Variants in RBBP5 observed in about 807,000 individuals in gnomAD.
RBBP5 encodes the protein retinoblastoma-binding protein 5.
In RBBP5, 5 loss-of-function variants were observed where a neutral mutation model predicts 72.2. The observed-to-expected ratio is 0.07, with a 90% CI of 0.04 to 0.15. RBBP5 has a LOEUF of 0.15. RBBP5 is among the 10% of genes least tolerant of loss of function. The pLI, the probability that RBBP5 is intolerant of heterozygous loss-of-function variation, is 1.00. For missense variants in RBBP5, 322 were observed against 652.2 expected, an observed-to-expected ratio of 0.49 and a Z score of 5.51; for synonymous variants, 209 against 237.2, an observed-to-expected ratio of 0.88 and a Z score of 1.09.
At chr1:205,108,877 T>C (rs1050432931) in intron 3 of RBBP5, among the ~76,000 whole-genome samples, 1 of 152,190 alleles carries the variant, frequency 6.6e-6, no homozygotes, top group Non-Finnish European at 1.5e-5. Flanking sequence ...GTTGAAAGAA[T>C]TTAATACATA....
At chr1:205,097,525 A>C (rs1309463897) in intron 10 of RBBP5, 130 bp from the exon 11 acceptor site, 1 of 853,750 alleles carries the variant, frequency 1.2e-6, no homozygotes, top group African/African-American at 1.7e-5. Context: ...CACTTCACTT[A>C]ATCATTTAAC....
At position 205,088,130 on chromosome 1, in the gene RBBP5, G is replaced by A. The variant is rs1277023821; in HGVS notation, c.*657C>T. ...CCAATATTGGAGGGAAACATGCAAT[G>A]AGAGGAAAACAAGGGAAAACCCTGA... is the stretch of plus-strand genomic sequence containing the variant. On this transcript the variant is annotated 3_prime_UTR_variant, in exon 14 of 14. Transcript: ENST00000264515. The A allele has an allele frequency of 6.6e-6, 1 of 152,248 alleles. No individual in the cohort carries two copies. Among genetic ancestry groups the A allele is most frequent in the Non-Finnish European group, 1.5e-5 (1 of 68,054 alleles). The allele number at this position is 152,248 out of a possible 1,614,324, so 9.4% of individuals were successfully genotyped here. A position where few individuals can be genotyped will look rare whatever the true frequency, so the allele number is the denominator to read the frequency against.
At chr1:205,119,526 C>T (rs74398105) in intron 1 of RBBP5, among the ~76,000 whole-genome samples, 7,095 of 152,242 alleles carry the variant, frequency 0.047, 545 homozygotes, top group African/African-American at 0.16. Flanking sequence ...TTCTTCCATC[C>T]TTAAGTTTTT....
intron 13 of RBBP5, among the ~76,000 whole-genome samples, chr1:205,094,252 C>T (rs1655526036): frequency 6.6e-6 from 1 of 152,152 alleles, no homozygotes; most frequent in African/African-American, 2.4e-5. Context: ...ATCATCTCCT[C>T]CTGTTTTCAG....
At chr1:205,101,802 A>G in intron 5 of RBBP5, 93 bp from the exon 6 acceptor site, 1 of 869,846 alleles carries the variant, frequency 1.1e-6, no homozygotes, top group Non-Finnish European at 1.8e-6. Flanking sequence ...AAGACTGGGT[A>G]AAAATGCAAA....
chr1:205,100,401 T>C, intron 6 of RBBP5, 130 bp from the exon 7 acceptor site: 1 of 1,177,998 alleles, frequency 8.5e-7, no homozygotes, highest in Non-Finnish European at 1.2e-6. Flanking sequence ...ATATATCTAC[T>C]TGTCATCTCC....
rs776315962 is a variant in RBBP5 at position 205,099,050 on chromosome 1, G to A, written c.1035C>T (p.Tyr345=). The A allele has an allele frequency of 3.2e-5, 51 of 1,610,712 alleles. No homozygotes were observed. In the South Asian group the frequency reaches 4.6e-4, roughly 15 times the overall value. The change falls in exon 10 of 14, where the codon TAC becomes TAT. Residue 345 remains tyrosine, a synonymous_variant. Coordinates refer to ENST00000264515, the MANE Select transcript of RBBP5 (RefSeq NM_005057.4). This position sits in a 1 kb window ranked among gnomAD's most constrained non-coding sequence, Gnocchi z 4.7. ...TATCAAACTCTGATTCCCTTTCTTC[G>A]TATTCTACATTTTCATCCAATTCTT... ...DFKELDENVE[Y]EERESEFDIE...
At chr1:205,093,927 T>C (rs1655513829) in intron 13 of RBBP5, among the ~76,000 whole-genome samples, 1 of 152,184 alleles carries the variant, frequency 6.6e-6, no homozygotes, top group African/African-American at 2.4e-5. Flanking sequence ...TTATCAATCC[T>C]ACCTTTGAGT....
chr1:205,099,850 G>C lies in RBBP5; in HGVS notation c.907-38C>G. On this transcript the variant is annotated intron_variant, in intron 8 of 13. Transcript: ENST00000264515. This position sits in a 1 kb window ranked among gnomAD's most constrained non-coding sequence, Gnocchi z 4.7. ...GAAGGAAAGAAAAACAGGTTGTTAAGAACAGATTTTAGATTTTTTGGATTA... is the reference window on the plus strand; with the variant it reads ...GAAGGAAAGAAAAACAGGTTGTTAACAACAGATTTTAGATTTTTTGGATTA... The C allele has an allele frequency of 1.2e-6, 2 of 1,613,456 alleles. No homozygotes were observed. Among genetic ancestry groups the C allele is most frequent in the Non-Finnish European group, 1.7e-6 (2 of 1,179,518 alleles).
chr1:205,097,424 GAGA>G (rs763380777), intron 10 of RBBP5, 29 bp from the exon 11 acceptor site: 15 of 1,549,250 alleles, frequency 9.7e-6, no homozygotes, highest in African/African-American at 8.2e-5. Flanking sequence ...GGAGATGTTT[GAGA>G]AGAAGTGAAA....
chr1:205,111,954 C>T (rs891847629), intron 3 of RBBP5, among the ~76,000 whole-genome samples: 9 of 152,040 alleles, frequency 5.9e-5, no homozygotes, highest in African/African-American at 1.9e-4. Flanking sequence ...AGCTGATATG[C>T]CTTGGCCTGT....
At position 205,086,782 on chromosome 1, in the gene RBBP5, T is replaced by C. The variant is rs1430273558; in HGVS notation, c.*2005A>G. ...TTAGGAGGTGGACATAGCACAAACA[T>C]CCAAATGCACAGGCAGAGGAAACCA... On this transcript the variant is annotated 3_prime_UTR_variant, in exon 14 of 14. Coordinates refer to ENST00000264515, the MANE Select transcript of RBBP5 (RefSeq NM_005057.4). 2 of 152,018 alleles carry C rather than the reference T, an allele frequency of 1.3e-5. No individual in the cohort carries two copies. The highest frequency in any genetic ancestry group is 2.9e-5 in the Non-Finnish European group (2 of 68,036). The allele number at this position is 152,018 out of a possible 1,614,324, so 9.4% of individuals were successfully genotyped here. A position where few individuals can be genotyped will look rare whatever the true frequency, so the allele number is the denominator to read the frequency against.
chr1:205,094,878 A>G lies in RBBP5; in HGVS notation c.1583T>C (p.Leu528Ser). The change falls in exon 13 of 14, where the codon TTG becomes TCG. Residue 528 changes from leucine to serine, a missense_variant. Around this residue, in one of 6 missense-constraint regions of RBBP5, gnomAD observed 109 missense variants for 146.3 expected, o/e 0.75. Transcript: ENST00000264515. ...TGCTCCCAATGTGTCCTTACCTGTC[A>G]AGGGCTGGCTGAGTTCCGCCTGCAC... is the stretch of plus-strand genomic sequence containing the variant. ...GKVQAELSQP[L>S]TAGGAISELL 1.2e-6 allele frequency: 2 copies of G among 1,613,446 alleles called. No homozygotes were observed. Among genetic ancestry groups the G allele is most frequent in the Non-Finnish European group, 1.7e-6 (2 of 1,179,590 alleles).
In RBBP5 at chr1:205,103,147, C is replaced by T. The variant is rs543693270; in HGVS notation, c.522+710G>A. On this transcript the variant is annotated intron_variant, in intron 5 of 13. Coordinates refer to ENST00000264515, the MANE Select transcript of RBBP5 (RefSeq NM_005057.4). ...GGCTGAGGCAGGAGATTCGCTTGAA[C>T]CCAGGAGATGGAGGTTGCAGTGAGC... Among the ~76,000 whole-genome samples, 51 of 149,222 alleles carry T rather than the reference C, an allele frequency of 3.4e-4. 1 individual carries two copies. The highest frequency in any genetic ancestry group is 1.3e-4 in the Admixed American group (2 of 14,940).
intron 1 of RBBP5, 102 bp from the exon 2 acceptor site, chr1:205,115,985 G>A (rs774873870): frequency 2.5e-6 from 4 of 1,610,818 alleles, no homozygotes; most frequent in East Asian, 4.5e-5. Context: ...ACGAAAAGGG[G>A]GATATGATGC....
chr1:205,088,838 G>T (rs1655225498), intron 13 of RBBP5, 23 bp from the exon 14 acceptor site: 2 of 1,560,670 alleles, frequency 1.3e-6, no homozygotes, highest in Non-Finnish European at 1.7e-6. Context: ...GACACAAAAA[G>T]ATTTCTTTTA....
At chr1:205,098,844 C>CAAAA (rs71147725) in intron 10 of RBBP5, 145 bp downstream of exon 10, 69 of 284,542 alleles carry the variant, frequency 2.4e-4, no homozygotes, top group South Asian at 8.6e-4. Flanking sequence ...AATTCCATCT[C>CAAAA]AAAAAAAAAA....
Position 205,096,667 on chromosome 1 carries a change from A to T in RBBP5, c.1396+15T>A, listed in dbSNP as rs775865968. The stretch of plus-strand genomic sequence containing the variant: ...TGGCGTCTGCCAGGCCAGAGGGAGA[A>T]GATGTAGCTCTTACCATCATTTGGT... On this transcript the variant is annotated intron_variant, in intron 12 of 13. Coordinates refer to ENST00000264515, the MANE Select transcript of RBBP5 (RefSeq NM_005057.4). 8.1e-6 allele frequency: 13 copies of T among 1,608,360 alleles called. No individual in the cohort carries two copies. In the East Asian group the frequency reaches 2.7e-4, roughly 33 times the overall value.
In RBBP5 at chr1:205,099,618, T is replaced by C; in HGVS notation, c.978+123A>G. On this transcript the variant is annotated intron_variant, in intron 9 of 13. Coordinates refer to ENST00000264515, the MANE Select transcript of RBBP5 (RefSeq NM_005057.4). The surrounding 1 kb of genome is among the most constrained non-coding windows in gnomAD (Gnocchi z 4.7). ...AACTAGATGCACTGAACCTATGTAA[T>C]TTAGGTTGCGAGAATCATATGCAAA... 2.9e-6 allele frequency: 3 copies of C among 1,050,516 alleles called. No individual in the cohort carries two copies. The highest frequency in any genetic ancestry group is 4.2e-6 in the Non-Finnish European group (3 of 721,222). 65.1% of individuals were successfully genotyped at this position (1,050,516 alleles called of 1,614,324 possible). A position where few individuals can be genotyped will look rare whatever the true frequency, so the allele number is the denominator to read the frequency against.
Sources: gnomAD v4.1 joint callset for allele counts (sites outside exome capture counted in the v4.1 genomes callset) on GRCh38, gnomAD v4.1.1 for gene constraint, gnomAD v4.1.1 regional missense constraint, Gnocchi (gnomAD v3.1) non-coding constraint, MANE v1.5 for transcripts, NCBI Gene and HGNC (gene_info 2026-07-23, HGNC 2026-07-21) for gene names.